PIK3CG: variants seen among roughly 807,000 people sequenced by gnomAD.
PIK3CG encodes phosphatidylinositol-4,5-bisphosphate 3-kinase catalytic subunit gamma.
In PIK3CG, 55 loss-of-function variants were observed where a neutral mutation model predicts 102.3. The ratio of observed to expected loss-of-function variants is 0.54; its 90% CI spans 0.43 to 0.67. The LOEUF (loss-of-function observed/expected upper bound fraction) is 0.67. Among genes scored for constraint, PIK3CG ranks in the 30% least tolerant of loss-of-function variants. The pLI, the probability that PIK3CG is intolerant of heterozygous loss-of-function variation, is 0.00. For missense variants in PIK3CG, 1,258 were observed against 1,391.8 expected, an observed-to-expected ratio of 0.90 and a Z score of 1.53; for synonymous variants, 552 against 540.0, an observed-to-expected ratio of 1.02 and a Z score of -0.31.
chr7:106,865,608 T>C (rs1276672568), intron 1 of PIK3CG, 182 bp downstream of exon 1: 15 of 152,248 alleles, frequency 9.9e-5, no homozygotes, highest in African/African-American at 3.1e-4. Flanking sequence ...GGCAATAGTT[T>C]TGCAGGTGCA....
rs1439884073 is a variant in PIK3CG, at chr7:106,897,995, A to G, written c.3031-7114A>G. On this transcript the variant is annotated intron_variant, in intron 10 of 10. Transcript: ENST00000496166. The surrounding 1 kb of genome is among the most constrained non-coding windows in gnomAD (Gnocchi z 4.6). ...AATGGTTGAACTAATTTACACTACC[A>G]CCAACAATGTATAAGTGTTCCTTTT... Among the ~76,000 whole-genome samples, 1 of 152,216 alleles carries G rather than the reference A, an allele frequency of 6.6e-6. No individual in the cohort carries two copies. The highest frequency in any genetic ancestry group is 1.5e-5 in the Non-Finnish European group (1 of 68,038).
rs752517413 is a variant in PIK3CG at position 106,868,962 on chromosome 7, G to A, written c.1401G>A (p.Leu467=). 1 of 1,614,150 alleles carries A rather than the reference G, an allele frequency of 6.2e-7. No individual in the cohort carries two copies. Among genetic ancestry groups the A allele is most frequent in the Middle Eastern group, 1.6e-4 (1 of 6,062 alleles). ...AGCTTCTCTATTATGTGAACCTGCT[G>A]CTGATAGACCACCGTTTCCTCCTGC... is the stretch of plus-strand genomic sequence containing the variant. ...KVQLLYYVNL[L]LIDHRFLLRR... The change falls in exon 2 of 11, where the codon CTG becomes CTA. Residue 467 remains leucine (L), a synonymous_variant. Transcript: ENST00000496166. This position sits in a 1 kb window ranked among gnomAD's most constrained non-coding sequence, Gnocchi z 6.2.
chr7:106,897,788 G>A lies in PIK3CG; in HGVS notation c.3031-7321G>A, dbSNP rs1791445842. Among the ~76,000 whole-genome samples, 6 of 152,124 alleles carry A rather than the reference G, an allele frequency of 3.9e-5. No homozygotes were observed. The highest frequency in any genetic ancestry group is 2.6e-4 in the Admixed American group (4 of 15,254). ...TCTTTAATCAGCCTATCATTGATGG[G>A]CGTTTAGGTTGATTCTGTGTCTTTG... On this transcript the variant is annotated intron_variant, in intron 10 of 10. Transcript: ENST00000496166. The surrounding 1 kb of genome is among the most constrained non-coding windows in gnomAD (Gnocchi z 4.6).
intron 10 of PIK3CG, among the ~76,000 whole-genome samples, chr7:106,886,517 A>C (rs1791098849): frequency 6.6e-6 from 1 of 152,158 alleles, no homozygotes; most frequent in African/African-American, 2.4e-5. Flanking sequence ...ACCAAACAGA[A>C]GTAGAAATAT....
At position 106,872,542 on chromosome 7, in the gene PIK3CG, G is replaced by C. The variant is rs1376245680; in HGVS notation, c.2001G>C (p.Val667=). 1.2e-6 allele frequency: 2 copies of C among 1,613,246 alleles called. No individual in the cohort carries two copies. Among genetic ancestry groups the C allele is most frequent in the Non-Finnish European group, 1.7e-6 (2 of 1,179,244 alleles). Residue 667 remains valine, a synonymous_variant, in exon 3 of 11, where the codon GTG becomes GTC. Coordinates refer to ENST00000496166, the MANE Select transcript of PIK3CG (RefSeq NM_001282426.2). The surrounding 1 kb of genome is among the most constrained non-coding windows in gnomAD (Gnocchi z 5.3). ...LHYLLQLVQA[V]KFEPYHDSAL... is the part of the protein sequence containing the mutation. ...CCAATGTGTTCTTCCTTTAGGCTGTGAAATTTGAACCATACCATGATAGCG... is the reference window on the plus strand; with the variant it reads ...CCAATGTGTTCTTCCTTTAGGCTGTCAAATTTGAACCATACCATGATAGCG...
In PIK3CG at chr7:106,884,320, T is replaced by A; in HGVS notation, c.2872+54T>A. The A allele has an allele frequency of 9.0e-7, 1 of 1,113,834 alleles. No homozygotes were observed. Among genetic ancestry groups the A allele is most frequent in the South Asian group, 1.3e-5 (1 of 78,710 alleles). 69.0% of individuals were successfully genotyped at this position (1,113,834 alleles called of 1,614,324 possible). A position where few individuals can be genotyped will look rare whatever the true frequency, so the allele number is the denominator to read the frequency against. On this transcript the variant is annotated intron_variant, in intron 9 of 10. Transcript: ENST00000496166. The surrounding 1 kb of genome is among the most constrained non-coding windows in gnomAD (Gnocchi z 4.2). Reference sequence around the variant, plus strand: ...TTATTGTGGTAAAATATATATAACATAACATTTACTATTTTAACTCTAATT... The same window carrying A: ...TTATTGTGGTAAAATATATATAACAAAACATTTACTATTTTAACTCTAATT...
chr7:106,897,762 T>G lies in PIK3CG; in HGVS notation c.3031-7347T>G, dbSNP rs1295515423. Among the ~76,000 whole-genome samples, 1 of 152,214 alleles carries G rather than the reference T, an allele frequency of 6.6e-6. No homozygotes were observed. Among genetic ancestry groups the G allele is most frequent in the Non-Finnish European group, 1.5e-5 (1 of 68,028 alleles). Reference sequence around the variant, plus strand: ...TTCCATGGTGTATATGTACCACATTTTCTTTAATCAGCCTATCATTGATGG... The same window carrying G: ...TTCCATGGTGTATATGTACCACATTGTCTTTAATCAGCCTATCATTGATGG... On this transcript the variant is annotated intron_variant, in intron 10 of 10. Coordinates refer to ENST00000496166, the MANE Select transcript of PIK3CG (RefSeq NM_001282426.2). This position sits in a 1 kb window ranked among gnomAD's most constrained non-coding sequence, Gnocchi z 4.6.
In PIK3CG at chr7:106,868,770, C is replaced by T. The variant is rs199690535; in HGVS notation, c.1209C>T (p.Pro403=). ...VLCQRRTSPK[P]FTEEVLWNVW... ...GCCAAAGGAGAACCAGCCCCAAACC[C>T]TTCACAGAGGAGGTGCTGTGGAATG... Residue 403 remains proline (P), a synonymous_variant, in exon 2 of 11, where the codon CCC becomes CCT. Coordinates refer to ENST00000496166, the MANE Select transcript of PIK3CG (RefSeq NM_001282426.2). This position sits in a 1 kb window ranked among gnomAD's most constrained non-coding sequence, Gnocchi z 6.2. 1.5e-4 allele frequency: 236 copies of T among 1,614,228 alleles called. No individual in the cohort carries two copies. In the Middle Eastern group the frequency reaches 1.8e-3, roughly 12 times the overall value.
intron 5 of PIK3CG, among the ~76,000 whole-genome samples, chr7:106,878,832 A>G (rs1308503402): frequency 6.6e-6 from 1 of 152,246 alleles, no homozygotes; most frequent in Non-Finnish European, 1.5e-5. Context: ...GGTAGGAATT[A>G]TGACATATTA....
intron 2 of PIK3CG, among the ~76,000 whole-genome samples, chr7:106,871,297 G>A (rs1231858592): frequency 1.3e-5 from 2 of 152,274 alleles, no homozygotes; most frequent in Admixed American, 6.5e-5. Flanking sequence ...AAAACATTGC[G>A]AAAATGAGTA....
In PIK3CG at chr7:106,895,389, G is replaced by T. The variant is rs997923950; in HGVS notation, c.3030+9097G>T. Among the ~76,000 whole-genome samples, 4 of 152,214 alleles carry T rather than the reference G, an allele frequency of 2.6e-5. No individual in the cohort carries two copies. Among genetic ancestry groups the T allele is most frequent in the African/African-American group, 9.6e-5 (4 of 41,466 alleles). ...AGGCCTCTAGGCCAAGGTAGTGTCA[G>T]AACACTCCCACAGACCCTGTGGCTG... On this transcript the variant is annotated intron_variant, in intron 10 of 10. Transcript: ENST00000496166. The surrounding 1 kb of genome is among the most constrained non-coding windows in gnomAD (Gnocchi z 5.4).
In PIK3CG at chr7:106,905,414, T is replaced by G. The variant is rs1419515764; in HGVS notation, c.*27T>G. ...ACTTTAGGCTAGAATCAAAAACAAG[T>G]TAGTGTTCTATGGTTTAAATTAGCA... On this transcript the variant is annotated 3_prime_UTR_variant, in exon 11 of 11. Transcript: ENST00000496166. This position sits in a 1 kb window ranked among gnomAD's most constrained non-coding sequence, Gnocchi z 5.6. 5 of 1,596,058 alleles carry G rather than the reference T, an allele frequency of 3.1e-6. No individual in the cohort carries two copies. The highest frequency in any genetic ancestry group is 4.3e-6 in the Non-Finnish European group (5 of 1,169,120).
At position 106,867,566 on chromosome 7, in the gene PIK3CG, A is replaced by G. The variant is rs1425001374; in HGVS notation, c.5A>G (p.Glu2Gly). ...CGCTCCCAGGTCGCATAGGGCATGG[A>G]GCTGGAGAACTATAAACAGCCCGTG... MELENYKQPVVL... is the reference protein window; with the variant it reads MGLENYKQPVVL... Residue 2 changes from glutamate to glycine, a missense_variant, in exon 2 of 11, where the codon GAG becomes GGG. Glu to Gly is a moderately conservative substitution (Grantham distance 98). Coordinates refer to ENST00000496166, the MANE Select transcript of PIK3CG (RefSeq NM_001282426.2). The surrounding 1 kb of genome is among the most constrained non-coding windows in gnomAD (Gnocchi z 5.1). The G allele has an allele frequency of 5.7e-6, 9 of 1,566,088 alleles. No individual in the cohort carries two copies. The highest frequency in any genetic ancestry group is 2.0e-5 in the Admixed American group (1 of 51,200).
chr7:106,871,958 G>A (rs959007119), intron 2 of PIK3CG, among the ~76,000 whole-genome samples: 1 of 152,216 alleles, frequency 6.6e-6, no homozygotes, highest in Non-Finnish European at 1.5e-5. Flanking sequence ...GCAGAGGGTA[G>A]TGATTGCTCT....
At position 106,880,490 on chromosome 7, in the gene PIK3CG, A is replaced by G. The variant is rs1348621192; in HGVS notation, c.2538+825A>G. Among the ~76,000 whole-genome samples the G allele has an allele frequency of 6.6e-6, 1 of 152,116 alleles. No individual in the cohort carries two copies. The highest frequency in any genetic ancestry group is 1.5e-5 in the Non-Finnish European group (1 of 68,030). ...TTCAAGAATGATCTATGTTTTGTCCAGGAGGTATTTTAGAAAAGAAAAAGA... is the reference window on the plus strand; with the variant it reads ...TTCAAGAATGATCTATGTTTTGTCCGGGAGGTATTTTAGAAAAGAAAAAGA... On this transcript the variant is annotated intron_variant, in intron 6 of 10. Transcript: ENST00000496166. The surrounding 1 kb of genome is among the most constrained non-coding windows in gnomAD (Gnocchi z 4.2).
chr7:106,875,836 T>G (rs1236935542), intron 5 of PIK3CG, among the ~76,000 whole-genome samples: 2 of 152,020 alleles, frequency 1.3e-5, no homozygotes, highest in Non-Finnish European at 2.9e-5. Flanking sequence ...CCATTTAAAT[T>G]CCAGCAATGT....
chr7:106,865,901 T>C (rs936617029), intron 1 of PIK3CG: 1 of 152,258 alleles, frequency 6.6e-6, no homozygotes, highest in African/African-American at 2.4e-5. Flanking sequence ...CAAGTTAGTG[T>C]CAATATCAAT....
Position 106,908,425 on chromosome 7 carries a change from A to G in PIK3CG, c.*3038A>G, listed in dbSNP as rs1213886654. Among the ~76,000 whole-genome samples the G allele has an allele frequency of 1.3e-5, 2 of 152,190 alleles. No homozygotes were observed. Among genetic ancestry groups the G allele is most frequent in the African/African-American group, 2.4e-5 (1 of 41,448 alleles). ...CGAAATACCTCATCTCTATGGCTCT[A>G]TGGCTGTACATTAGGACCTAGAACA... On this transcript the variant is annotated 3_prime_UTR_variant, in exon 11 of 11. Transcript: ENST00000496166. The surrounding 1 kb of genome is among the most constrained non-coding windows in gnomAD (Gnocchi z 4.1).
chr7:106,869,987 G>T lies in PIK3CG; in HGVS notation c.1995+431G>T, dbSNP rs1224877255. 1.3e-5 allele frequency among the ~76,000 whole-genome samples: 2 copies of T among 152,208 alleles called. No individual in the cohort carries two copies. The highest frequency in any genetic ancestry group is 2.9e-5 in the Non-Finnish European group (2 of 68,044). On this transcript the variant is annotated intron_variant, in intron 2 of 10. Transcript: ENST00000496166. This position sits in a 1 kb window ranked among gnomAD's most constrained non-coding sequence, Gnocchi z 5.3. Reference sequence around the variant, plus strand: ...TTACATGAGGAAACTGAGGTACAAAGAGGCTAAGTAATGTGCCCAAGGTCA... The same window carrying T: ...TTACATGAGGAAACTGAGGTACAAATAGGCTAAGTAATGTGCCCAAGGTCA...
Sources: gnomAD v4.1 joint callset for allele counts (sites outside exome capture counted in the v4.1 genomes callset) on GRCh38, gnomAD v4.1.1 for gene constraint, Gnocchi (gnomAD v3.1) non-coding constraint, MANE v1.5 for transcripts, NCBI Gene and HGNC (gene_info 2026-07-23, HGNC 2026-07-21) for gene names.